CP: variants seen among roughly 807,000 people sequenced by gnomAD.
CP encodes the protein ceruloplasmin.
CP carries 64 observed loss-of-function variants against 122.4 expected under a neutral mutation model. The ratio of observed to expected loss-of-function variants is 0.52; its 90% CI spans 0.43 to 0.64. CP has a LOEUF of 0.64. CP is among the 30% of genes least tolerant of loss of function. The pLI is 0.00. For synonymous variants in CP, 440 were observed against 436.4 expected, an observed-to-expected ratio of 1.01 and a Z score of -0.10; for missense variants, 1,167 against 1,284.4, an observed-to-expected ratio of 0.91 and a Z score of 1.40.
At chr3:149,217,867 G>GT (rs960638699) in intron 1 of CP, 9 of 445,022 alleles carry the variant, frequency 2.0e-5, no homozygotes, top group African/African-American at 1.3e-4. Flanking sequence ...TATGATTACC[G>GT]TAAGGTGGAA....
chr3:149,217,731 G>C (rs1475121358), intron 1 of CP: 1 of 185,376 alleles, frequency 5.4e-6, no homozygotes, highest in African/African-American at 2.4e-5. Context: ...TATTTTATTT[G>C]CTTCCCTGTT....
rs189386020 is a variant in CP, at chr3:149,198,993, A to G, written c.1502-415T>C. Among the ~76,000 whole-genome samples the G allele has an allele frequency of 6.1e-4, 93 of 152,328 alleles. 1 individual carries two copies. Among genetic ancestry groups the G allele is most frequent in the African/African-American group, 2.2e-3 (92 of 41,582 alleles). ...GGAACTGAAAATTACATTCCATTCC[A>G]TAATTGTAGAACTGAAAGAACTTTG... On this transcript the variant is annotated intron_variant, in intron 8 of 18. Coordinates refer to ENST00000264613, the MANE Select transcript of CP (RefSeq NM_000096.4).
In CP at chr3:149,167,007, C is replaced by T. The variant is rs758103258; in HGVS notation, c.587-957G>A. On this transcript the variant is annotated intron_variant, in intron 4 of 5. Transcript: ENST00000479771. Reference sequence around the variant, plus strand: ...TTTTAGTTTTTGAGGTGCCTCATTTCATAACATTTCACTTTTCTGTTCATA... The same window carrying T: ...TTTTAGTTTTTGAGGTGCCTCATTTTATAACATTTCACTTTTCTGTTCATA... 6 of 1,564,924 alleles carry T rather than the reference C, an allele frequency of 3.8e-6. No homozygotes were observed. In the South Asian group the frequency reaches 6.7e-5, roughly 17 times the overall value.
Position 149,198,481 on chromosome 3 carries a change from C to T in CP, c.1599G>A (p.Val533=). 1 of 1,614,064 alleles carries T rather than the reference C, an allele frequency of 6.2e-7. No individual in the cohort carries two copies. Among genetic ancestry groups the T allele is most frequent in the Non-Finnish European group, 8.5e-7 (1 of 1,179,950 alleles). The change falls in exon 9 of 19, where the codon GTG becomes GTA. Residue 533 remains valine (V), a synonymous_variant. Transcript: ENST00000264613. ...KEVGPTNADP[V]CLAKMYYSAV... ...CAGAATAATACATCTTAGCTAGACA[C>T]ACAGGATCTGCATTAGTGGGTCCTA...
At position 149,193,013 on chromosome 3, in the gene CP, C is replaced by A. The variant is rs188247970; in HGVS notation, c.1714-4811G>T. Among the ~76,000 whole-genome samples, 61 of 151,798 alleles carry A rather than the reference C, an allele frequency of 4.0e-4. 2 individuals are homozygous for A. The highest frequency in any genetic ancestry group is 3.4e-3 in the Admixed American group (51 of 15,204). On this transcript the variant is annotated intron_variant, in intron 9 of 18. Transcript: ENST00000264613. ...ACACACACACACACACACGCATACA[C>A]TCCAGAAAAGAAATTTCTTTAACCC...
At chr3:149,192,250 T>G (rs2108255322) in intron 9 of CP, among the ~76,000 whole-genome samples, 1 of 152,102 alleles carries the variant, frequency 6.6e-6, no homozygotes, top group East Asian at 1.9e-4. Context: ...CCAGATATAT[T>G]TAAGATTTAC....
At chr3:149,188,225 A>G (rs769693784) in intron 9 of CP, 23 bp from the exon 10 acceptor site, 2 of 1,600,072 alleles carry the variant, frequency 1.2e-6, no homozygotes, top group East Asian at 4.5e-5. Flanking sequence ...ACAAAATGAG[A>G]TGGAGACAGA....
rs1252958876 is a variant in CP at position 149,202,063 on chromosome 3, G to A, written c.1348+39C>T. 3 of 1,613,484 alleles carry A rather than the reference G, an allele frequency of 1.9e-6. No individual in the cohort carries two copies. In the African/African-American group the frequency reaches 4.0e-5, roughly 22 times the overall value. On this transcript the variant is annotated intron_variant, in intron 7 of 18. Transcript: ENST00000264613. Reference sequence around the variant, plus strand: ...TTTCTGAGGTTGATGTAGCCCATGGGAAGAGTAAACCAGCCATATATATTC... The same window carrying A: ...TTTCTGAGGTTGATGTAGCCCATGGAAAGAGTAAACCAGCCATATATATTC...
At chr3:149,180,792 A>C (rs1725727569) in intron 14 of CP, among the ~76,000 whole-genome samples, 1 of 152,040 alleles carries the variant, frequency 6.6e-6, no homozygotes, top group Admixed American at 6.5e-5. Flanking sequence ...TAAGCTGCAA[A>C]ATAACATTTT....
chr3:149,204,001 G>A (rs1045751009), intron 6 of CP, among the ~76,000 whole-genome samples: 7 of 152,194 alleles, frequency 4.6e-5, no homozygotes, highest in African/African-American at 9.7e-5. Context: ...TGTGTGTAGC[G>A]CAGAGACTAG....
chr3:149,194,667 C>T (rs1226256428), intron 9 of CP, among the ~76,000 whole-genome samples: 2 of 151,932 alleles, frequency 1.3e-5, no homozygotes, highest in Admixed American at 6.6e-5. Flanking sequence ...TCTTGAAAAA[C>T]ACAAAAGTAG....
rs1176849247 is a variant in CP, at chr3:149,190,655, C to CT, written c.1714-2454dup. Among the ~76,000 whole-genome samples, 5 of 94,818 alleles carry CT rather than the reference C, an allele frequency of 5.3e-5. No individual in the cohort carries two copies. The East Asian group carries it at 1.6e-3, about 30-fold the overall frequency. The allele number at this position is 94,818 out of a possible 152,430, so 62.2% of individuals were successfully genotyped here. A position where few individuals can be genotyped will look rare whatever the true frequency, so the allele number is the denominator to read the frequency against. On this transcript the variant is annotated intron_variant, in intron 9 of 18. Transcript: ENST00000264613. Reference sequence around the variant, plus strand: ...CCTGGGCGACAGAGGAAGACTCTGTCTAAAAAAAAAAAAAAAAAAAAAAGG... The same window carrying CT: ...CCTGGGCGACAGAGGAAGACTCTGTCTTAAAAAAAAAAAAAAAAAAAAAAGG...
Position 149,167,493 on chromosome 3 carries a change from AT to A in CP, c.587-1444del, listed in dbSNP as rs201290538. On this transcript the variant is annotated intron_variant, in intron 4 of 5. Transcript: ENST00000479771. ...AGATGAAGTAGTTGATTACCTGAAG[AT>A]TTGGGAACAGTGTATGATGGGAAAA... 3.9e-5 allele frequency among the ~76,000 whole-genome samples: 6 copies of A among 152,320 alleles called. No individual in the cohort carries two copies. In the East Asian group the frequency reaches 1.2e-3, roughly 29 times the overall value.
At chr3:149,179,708 T>C (rs749645919) in intron 14 of CP, 46 bp from the exon 15 acceptor site, 17 of 964,776 alleles carry the variant, frequency 1.8e-5, no homozygotes, top group Non-Finnish European at 2.5e-5. Context: ...TTGGTTTATA[T>C]TGTACACACA....
At chr3:149,181,514 G>A (rs767278918) in intron 14 of CP, among the ~76,000 whole-genome samples, 87 of 152,232 alleles carry the variant, frequency 5.7e-4, no homozygotes, top group Non-Finnish European at 4.3e-4. Flanking sequence ...TAAAGAAAAT[G>A]CTCACCTATG....
intron 7 of CP, among the ~76,000 whole-genome samples, chr3:149,200,972 C>A (rs1336126498): frequency 6.6e-6 from 1 of 152,158 alleles, no homozygotes; most frequent in Non-Finnish European, 1.5e-5. Flanking sequence ...CCAGGACAAT[C>A]TGAATCCATA....
At chr3:149,188,493 A>C (rs980487969) in intron 9 of CP, among the ~76,000 whole-genome samples, 1,480 of 117,156 alleles carry the variant, frequency 0.013, 38 homozygotes, top group African/African-American at 0.054. Context: ...AAGCCTCCAA[A>C]AAAAAAAAAA....
chr3:149,220,669 A>T (rs1728750933), intron 1 of CP, among the ~76,000 whole-genome samples: 1 of 152,168 alleles, frequency 6.6e-6, no homozygotes, highest in Non-Finnish European at 1.5e-5. Flanking sequence ...AGAAAATAGT[A>T]TATACTCATC....
At position 149,207,613 on chromosome 3, in the gene CP, C is replaced by T. The variant is rs142407918; in HGVS notation, c.786G>A (p.Val262=). 47 of 1,613,760 alleles carry T rather than the reference C, an allele frequency of 2.9e-5. No homozygotes were observed. Among genetic ancestry groups the T allele is most frequent in the Non-Finnish European group, 3.9e-5 (46 of 1,179,784 alleles). The change falls in exon 5 of 19, where the codon GTG becomes GTA. Residue 262 remains valine (V), a synonymous_variant. Transcript: ENST00000264613. ...DFQESNRMYS[V]NGYTFGSLPG... ...GGAGACTTCCAAAAGTGTATCCATT[C>T]ACAGCTGTAAGTCAAGAGCAGAGTT...
Sources: allele counts gnomAD v4.1 joint callset (sites outside exome capture counted in the v4.1 genomes callset), GRCh38; gene constraint gnomAD v4.1.1; transcripts MANE v1.5; gene names NCBI Gene and HGNC (gene_info 2026-07-23, HGNC 2026-07-21).